ASIC2: variants seen among roughly 807,000 people sequenced by gnomAD.
The protein encoded by ASIC2 is acid sensing ion channel subunit 2.
Under a neutral mutation model 57.3 loss-of-function variants are expected in ASIC2, and 25 were observed. The ratio of observed to expected loss-of-function variants is 0.44; its 90% CI spans 0.32 to 0.61. The LOEUF (loss-of-function observed/expected upper bound fraction) is 0.61, where lower values mean the gene tolerates loss of function less well. Among genes scored for constraint, ASIC2 ranks in the 20% least tolerant of loss-of-function variants. The pLI is 0.06. For missense variants in ASIC2, 641 were observed against 738.1 expected, an observed-to-expected ratio of 0.87 and a Z score of 1.52; for synonymous variants, 319 against 307.5, an observed-to-expected ratio of 1.04 and a Z score of -0.39.
chr17:33,467,496 G>A (rs571704736), intron 1 of ASIC2, among the ~76,000 whole-genome samples: 17 of 152,226 alleles, frequency 1.1e-4, no homozygotes, highest in Admixed American at 7.8e-4. Flanking sequence ...GAGGAGGTAG[G>A]AGAGGCCTCA....
chr17:33,212,752 C>T (rs980423976), intron 1 of ASIC2, among the ~76,000 whole-genome samples: 6 of 152,158 alleles, frequency 3.9e-5, no homozygotes, highest in African/African-American at 1.2e-4. Flanking sequence ...TGCTCCCTCC[C>T]CTTTCCCTTA....
chr17:33,292,380 C>T lies in ASIC2; in HGVS notation c.-265G>A. 2.0e-6 allele frequency: 2 copies of T among 986,000 alleles called. No individual in the cohort carries two copies. Among genetic ancestry groups the T allele is most frequent in the Non-Finnish European group, 2.4e-6 (2 of 830,596 alleles). The allele number at this position is 986,000 out of a possible 1,614,324, so 61.1% of individuals were successfully genotyped here. ...CTCTCCCGAGCGCCTCCCAGGCTTT[C>T]CCGGCCCCTGGTCTTCCTGGAGGAT... On this transcript the variant is annotated 5_prime_UTR_variant, in exon 1 of 10. Coordinates refer to ENST00000225823, the MANE Select transcript of ASIC2 (RefSeq NM_183377.2).
intron 1 of ASIC2, among the ~76,000 whole-genome samples, chr17:33,190,090 TAA>T (rs2142067202): frequency 6.6e-6 from 1 of 152,230 alleles, no homozygotes; most frequent in African/African-American, 2.4e-5. Context: ...AAGGAGGAAG[TAA>T]AACTGACTTT....
chr17:33,865,946 T>A (rs1597908099), intron 1 of ASIC2, among the ~76,000 whole-genome samples: 1 of 152,246 alleles, frequency 6.6e-6, no homozygotes, highest in East Asian at 1.9e-4. Context: ...AAGGTAACTA[T>A]TCTCTTGATG....
intron 1 of ASIC2, among the ~76,000 whole-genome samples, chr17:33,930,808 G>T (rs1206338257): frequency 6.6e-6 from 1 of 152,196 alleles, no homozygotes; most frequent in Non-Finnish European, 1.5e-5. Flanking sequence ...AAATGGAGCA[G>T]ACCCACAGGT....
intron 1 of ASIC2, among the ~76,000 whole-genome samples, chr17:33,567,026 T>A (rs556910262): frequency 1.4e-4 from 21 of 152,332 alleles, no homozygotes; most frequent in African/African-American, 5.1e-4. Flanking sequence ...CAAGTAGATA[T>A]GAGTATTCCT....
intron 1 of ASIC2, among the ~76,000 whole-genome samples, chr17:33,230,986 G>A (rs939518272): frequency 3.3e-5 from 5 of 152,186 alleles, no homozygotes; most frequent in African/African-American, 1.2e-4. Context: ...TTGTGCTTGG[G>A]AGAGAGAAAC....
At chr17:33,577,530 G>A (rs1413972083) in intron 1 of ASIC2, among the ~76,000 whole-genome samples, 1 of 152,122 alleles carries the variant, frequency 6.6e-6, no homozygotes, top group Non-Finnish European at 1.5e-5. Context: ...ACCTGGCACA[G>A]CATTAGTATT....
In ASIC2 at chr17:33,013,623, G is replaced by A; in HGVS notation, c.*342C>T. The A allele has an allele frequency of 3.4e-6, 1 of 294,198 alleles. No homozygotes were observed. Among genetic ancestry groups the A allele is most frequent in the Non-Finnish European group, 6.5e-6 (1 of 152,700 alleles). 18.2% of individuals were successfully genotyped at this position (294,198 alleles called of 1,614,324 possible). ...GCAGTGTGGACACTGGAAACCGCGT[G>A]GAGGAGTGTCATGTACAAGACAGAC... is the stretch of plus-strand genomic sequence containing the variant. On this transcript the variant is annotated 3_prime_UTR_variant, in exon 10 of 10. Transcript: ENST00000225823.
At chr17:33,823,500 C>T (rs745456506) in intron 1 of ASIC2, among the ~76,000 whole-genome samples, 11 of 152,186 alleles carry the variant, frequency 7.2e-5, no homozygotes, top group Non-Finnish European at 1.3e-4. Context: ...TTCCCATAGG[C>T]CATTAGTGGG....
At chr17:33,303,194 A>C (rs1906027720) in intron 1 of ASIC2, among the ~76,000 whole-genome samples, 1 of 152,232 alleles carries the variant, frequency 6.6e-6, no homozygotes, top group Non-Finnish European at 1.5e-5. Context: ...CAGAACACCC[A>C]GAGTTTAGAA....
intron 1 of ASIC2, among the ~76,000 whole-genome samples, chr17:33,484,450 G>T (rs896363660): frequency 6.6e-5 from 10 of 152,098 alleles, no homozygotes; most frequent in Admixed American, 6.6e-4. Context: ...AGATAATTTT[G>T]TCTAGTAGCC....
intron 1 of ASIC2, among the ~76,000 whole-genome samples, chr17:33,679,846 G>A (rs547793259): frequency 1.4e-4 from 21 of 152,256 alleles, no homozygotes; most frequent in Non-Finnish European, 2.5e-4. Context: ...AAAAAACAGC[G>A]TGATTCATGG....
At chr17:33,993,883 C>A (rs1240707182) in intron 1 of ASIC2, among the ~76,000 whole-genome samples, 1 of 152,156 alleles carries the variant, frequency 6.6e-6, no homozygotes, top group Non-Finnish European at 1.5e-5. Context: ...TAAAAATGAA[C>A]TTACTGTCTC....
intron 1 of ASIC2, among the ~76,000 whole-genome samples, chr17:33,135,967 A>G (rs945177828): frequency 6.6e-6 from 1 of 152,172 alleles, no homozygotes; most frequent in Non-Finnish European, 1.5e-5. Context: ...TATTTCAACT[A>G]TAAATGGGGC....
intron 1 of ASIC2, among the ~76,000 whole-genome samples, chr17:33,999,736 T>A (rs1006100120): frequency 6.6e-6 from 1 of 152,180 alleles, no homozygotes; most frequent in African/African-American, 2.4e-5. Context: ...TTGTTGTAGC[T>A]ATAGTTATTT....
chr17:33,739,968 G>A (rs1411513677), intron 1 of ASIC2, among the ~76,000 whole-genome samples: 2 of 60,584 alleles, frequency 3.3e-5, no homozygotes, highest in African/African-American at 7.8e-5. Context: ...AGAAAGAAAA[G>A]AAGAAAGAAA....
intron 1 of ASIC2, among the ~76,000 whole-genome samples, chr17:33,684,772 T>A (rs1321823511): frequency 6.6e-6 from 1 of 151,542 alleles, no homozygotes; most frequent in African/African-American, 2.4e-5. Flanking sequence ...CATATCCACG[T>A]CTTTTTTTTT....
chr17:33,759,089 C>T (rs560680232), intron 1 of ASIC2, among the ~76,000 whole-genome samples: 6 of 152,142 alleles, frequency 3.9e-5, no homozygotes, highest in East Asian at 1.9e-4. Flanking sequence ...TGGAACTCCT[C>T]GGAGATTTGT....
Sources: gnomAD v4.1 joint callset for allele counts (sites outside exome capture counted in the v4.1 genomes callset) on GRCh38, gnomAD v4.1.1 for gene constraint, MANE v1.5 for transcripts, NCBI Gene and HGNC (gene_info 2026-07-23, HGNC 2026-07-21) for gene names.